FGD4: variants seen among roughly 807,000 people sequenced by gnomAD.
FGD4 encodes the protein FYVE, RhoGEF and PH domain containing 4, also known as FYVE, RhoGEF and PH domain-containing protein 4.
A neutral mutation model predicts 102.0 loss-of-function variants in FGD4; 42 were observed. The observed-to-expected ratio is 0.41, with a 90% CI of 0.32 to 0.53. The LOEUF (loss-of-function observed/expected upper bound fraction) is 0.53, where lower values mean the gene tolerates loss of function less well. Ranked by LOEUF, FGD4 falls within the 20% of genes least tolerant of loss-of-function variation. The pLI, the probability that FGD4 is intolerant of heterozygous loss-of-function variation, is 0.21. For synonymous variants in FGD4, 380 were observed against 375.7 expected (o/e 1.01, Z -0.13); for missense variants, 902 against 1,078.2 (o/e 0.84, Z 2.29).
chr12:32,566,964 G>A (rs1945238438), intron 2 of FGD4, among the ~76,000 whole-genome samples: 1 of 152,174 alleles, frequency 6.6e-6, no homozygotes, highest in African/African-American at 2.4e-5. Flanking sequence ...CAGATAAACT[G>A]TTAAGTCTGC....
chr12:32,556,699 A>C (rs1288767613), intron 1 of FGD4, among the ~76,000 whole-genome samples: 1 of 152,048 alleles, frequency 6.6e-6, no homozygotes, highest in Non-Finnish European at 1.5e-5. Flanking sequence ...TCTACTAAAA[A>C]ATACAAAAAT....
At position 32,555,590 on chromosome 12, in the gene FGD4, G is replaced by A. The variant is rs575211849; in HGVS notation, c.167-8547G>A. ...AGGTCTTTTTTTTTTTTTTTTTTTC[G>A]AGATGGAGTCTCGCTCTGTCACCCA... On this transcript the variant is annotated intron_variant, in intron 1 of 16. Coordinates refer to ENST00000534526, the MANE Select transcript of FGD4 (RefSeq NM_001370298.3). Among the ~76,000 whole-genome samples the A allele has an allele frequency of 1.7e-4, 17 of 97,846 alleles. 1 individual carries two copies. The South Asian group carries it at 5.0e-3, about 28-fold the overall frequency. The allele number at this position is 97,846 out of a possible 152,430, so 64.2% of individuals were successfully genotyped here.
intron 3 of FGD4, among the ~76,000 whole-genome samples, chr12:32,578,270 T>C (rs901574446): frequency 6.6e-6 from 1 of 152,194 alleles, no homozygotes; most frequent in African/African-American, 2.4e-5. Flanking sequence ...CTCAGTGAGG[T>C]ATTACCACTA....
chr12:32,532,632 A>G (rs1941909894), intron 1 of FGD4, among the ~76,000 whole-genome samples: 1 of 151,842 alleles, frequency 6.6e-6, no homozygotes, highest in Non-Finnish European at 1.5e-5. Context: ...AAACATTGCT[A>G]TCAAAGCTCA....
intron 1 of FGD4, among the ~76,000 whole-genome samples, chr12:32,448,305 G>C (rs943932187): frequency 6.6e-6 from 1 of 152,152 alleles, no homozygotes; most frequent in Non-Finnish European, 1.5e-5. Context: ...ACAAAGAAGG[G>C]AAGGGAGCCA....
At chr12:32,474,865 C>T (rs1256394474) in intron 1 of FGD4, among the ~76,000 whole-genome samples, 1 of 152,164 alleles carries the variant, frequency 6.6e-6, no homozygotes, top group African/African-American at 2.4e-5. Flanking sequence ...GATTGCACCC[C>T]TGTACTCCAG....
chr12:32,559,842 A>G (rs1279360805), intron 1 of FGD4, among the ~76,000 whole-genome samples: 1 of 152,226 alleles, frequency 6.6e-6, no homozygotes, highest in East Asian at 1.9e-4. Context: ...ACCTTTTTAA[A>G]AAGACTCAAC....
At chr12:32,583,712 G>A (rs1471311191) in intron 4 of FGD4, among the ~76,000 whole-genome samples, 3 of 152,182 alleles carry the variant, frequency 2.0e-5, no homozygotes, top group Non-Finnish European at 4.4e-5. Context: ...TGACTCTGAA[G>A]CAGACAAAGT....
intron 1 of FGD4, among the ~76,000 whole-genome samples, chr12:32,527,657 T>C (rs541806551): frequency 6.6e-6 from 1 of 152,286 alleles, no homozygotes; most frequent in South Asian, 2.1e-4. Context: ...CTCGATCTCC[T>C]GACCCTGTGA....
intron 2 of FGD4, among the ~76,000 whole-genome samples, chr12:32,570,345 A>G (rs1039055451): frequency 6.6e-6 from 1 of 152,054 alleles, no homozygotes; most frequent in Non-Finnish European, 1.5e-5. Flanking sequence ...TGAAATACTA[A>G]TAAGTGAGGG....
chr12:32,541,883 C>G (rs574044398), intron 1 of FGD4, among the ~76,000 whole-genome samples: 1 of 152,162 alleles, frequency 6.6e-6, no homozygotes, highest in East Asian at 1.9e-4. Context: ...AGTAACTTTC[C>G]CACAGTCAAA....
chr12:32,437,306 T>C (rs1421581180), intron 1 of FGD4, among the ~76,000 whole-genome samples: 1 of 152,126 alleles, frequency 6.6e-6, no homozygotes, highest in Admixed American at 6.6e-5. Context: ...TGACTGTTCA[T>C]TGAGGCAGAG....
intron 6 of FGD4, among the ~76,000 whole-genome samples, 175 bp from the exon 7 acceptor site, chr12:32,601,986 G>A (rs544341776): frequency 1.1e-4 from 16 of 152,210 alleles, no homozygotes; most frequent in South Asian, 4.2e-4. Context: ...GTGGTGGCGC[G>A]TGCCTGTAGT....
chr12:32,607,801 A>G (rs1228590935), intron 7 of FGD4, 156 bp from the exon 8 acceptor site: 5 of 758,864 alleles, frequency 6.6e-6, no homozygotes, highest in African/African-American at 3.5e-5. Flanking sequence ...GGTGTGAGAC[A>G]CTGTGCCTGG....
At chr12:32,568,240 T>C (rs896983966) in intron 2 of FGD4, among the ~76,000 whole-genome samples, 1 of 152,238 alleles carries the variant, frequency 6.6e-6, no homozygotes, top group Non-Finnish European at 1.5e-5. Context: ...GAAAGAAAGA[T>C]AAATTTTAGA....
intron 1 of FGD4, among the ~76,000 whole-genome samples, chr12:32,501,573 A>C (rs1938219505): frequency 6.6e-6 from 1 of 152,228 alleles, no homozygotes; most frequent in Non-Finnish European, 1.5e-5. Context: ...CTCTCCCCAC[A>C]AAGTTCAATT....
chr12:32,426,981 G>T (rs1941860057), intron 1 of FGD4, among the ~76,000 whole-genome samples: 2 of 149,364 alleles, frequency 1.3e-5, no homozygotes, highest in Non-Finnish European at 1.5e-5. Flanking sequence ...CTGGCTAGTG[G>T]TCTATTTTGT....
rs1352304573 is a variant in FGD4 at position 32,643,417 on chromosome 12, G to T, written c.*2884G>T. On this transcript the variant is annotated 3_prime_UTR_variant, in exon 17 of 17. Transcript: ENST00000534526. ...GGTAATTCGAATTGCAGAGTATAAG[G>T]AAGGGAAATGGGAAGGGGCATCATT... The T allele has an allele frequency of 6.6e-6, 1 of 152,268 alleles. No homozygotes were observed. The highest frequency in any genetic ancestry group is 2.1e-4 in the South Asian group (1 of 4,828). The allele number at this position is 152,268 out of a possible 1,614,324, so 9.4% of individuals were successfully genotyped here.
At chr12:32,448,700 G>T (rs1942690911) in intron 1 of FGD4, among the ~76,000 whole-genome samples, 1 of 149,210 alleles carries the variant, frequency 6.7e-6, no homozygotes, top group Non-Finnish European at 1.5e-5. Context: ...GCTTGGACTT[G>T]AGGTAGGAAT....
Sources: allele counts gnomAD v4.1 joint callset (sites outside exome capture counted in the v4.1 genomes callset), GRCh38; gene constraint gnomAD v4.1.1; transcripts MANE v1.5; gene names NCBI Gene and HGNC (gene_info 2026-07-23, HGNC 2026-07-21).